Variants in SPAG9 observed in about 807,000 individuals in gnomAD.
SPAG9 encodes C-Jun-amino-terminal kinase-interacting protein 4.
SPAG9 carries 35 observed loss-of-function variants against 166.5 expected under a neutral mutation model. The ratio of observed to expected loss-of-function variants is 0.21; its 90% CI spans 0.16 to 0.28. The LOEUF (loss-of-function observed/expected upper bound fraction) is 0.28. Ranked by LOEUF, SPAG9 falls within the 10% of genes least tolerant of loss-of-function variation. The pLI, the probability that SPAG9 is intolerant of heterozygous loss-of-function variation, is 1.00. For missense variants in SPAG9, 1,235 were observed against 1,603.3 expected (o/e 0.77, Z 3.92); for synonymous variants, 534 against 565.5 (o/e 0.94, Z 0.79).
At chr17:51,053,857 A>AG (rs2047267622) in intron 3 of SPAG9, among the ~76,000 whole-genome samples, 64 of 36,544 alleles carry the variant, frequency 1.8e-3, no homozygotes, top group African/African-American at 7.1e-3. Flanking sequence ...AAAAAAAAGT[A>AG]TATATATATA....
At chr17:51,053,950 AACAGTAC>A (rs962580255) in intron 3 of SPAG9, among the ~76,000 whole-genome samples, 2 of 140,864 alleles carry the variant, frequency 1.4e-5, no homozygotes, top group Non-Finnish European at 3.1e-5. Context: ...TACTTAAGCA[AACAGTAC>A]ATAGAGTACA....
chr17:51,005,988 G>A, intron 11 of SPAG9, 97 bp downstream of exon 11: 1 of 1,397,770 alleles, frequency 7.2e-7, no homozygotes. Flanking sequence ...TTCCAGGCTT[G>A]AGTGGACAGA....
At position 50,980,637 on chromosome 17, in the gene SPAG9, G is replaced by A. The variant is rs188105782; in HGVS notation, c.3238-720C>T. ...AATCCCAGCACTTTGGAAGGCCGAG[G>A]TGGGAGGATCTCTTGAACACAGGAG... On this transcript the variant is annotated intron_variant, in intron 25 of 29. Transcript: ENST00000262013. 9.2e-4 allele frequency among the ~76,000 whole-genome samples: 140 copies of A among 152,124 alleles called. 1 individual carries two copies. The highest frequency in any genetic ancestry group is 1.6e-3 in the Non-Finnish European group (112 of 67,988).
intron 5 of SPAG9, among the ~76,000 whole-genome samples, chr17:51,037,985 C>CAA (rs1217314042): frequency 2.0e-5 from 3 of 152,064 alleles, no homozygotes; most frequent in Non-Finnish European, 4.4e-5. Flanking sequence ...TGAAGCAATA[C>CAA]AAAACTCCTC....
At chr17:50,982,394 A>G (rs1176610329) in intron 25 of SPAG9, 130 bp downstream of exon 25, 7 of 750,674 alleles carry the variant, frequency 9.3e-6, no homozygotes, top group Non-Finnish European at 1.3e-5. Flanking sequence ...ATATTCAAAT[A>G]CATTACTCAA....
intron 1 of SPAG9, among the ~76,000 whole-genome samples, chr17:51,112,963 A>G (rs908627624): frequency 7.2e-6 from 1 of 139,648 alleles, no homozygotes; most frequent in Non-Finnish European, 1.6e-5. Context: ...CCTCATCTCT[A>G]AAAAAAAGAA....
intron 3 of SPAG9, among the ~76,000 whole-genome samples, chr17:51,049,719 C>T (rs1256478093): frequency 6.6e-6 from 1 of 152,030 alleles, no homozygotes; most frequent in African/African-American, 2.4e-5. Flanking sequence ...GATTCTGCCT[C>T]CCAAGTAGCT....
intron 1 of SPAG9, among the ~76,000 whole-genome samples, chr17:51,098,061 C>T (rs1002171635): frequency 8.5e-5 from 13 of 152,116 alleles, no homozygotes; most frequent in African/African-American, 3.1e-4. Context: ...TGGGCTCAAG[C>T]AATCCACCTG....
chr17:51,055,581 C>G (rs970489217), intron 3 of SPAG9, among the ~76,000 whole-genome samples: 5 of 150,132 alleles, frequency 3.3e-5, no homozygotes, highest in African/African-American at 1.2e-4. Context: ...AGAGATCACA[C>G]AAACTAGGGA....
intron 2 of SPAG9, among the ~76,000 whole-genome samples, chr17:51,074,772 G>A (rs907706747): frequency 6.6e-6 from 1 of 152,072 alleles, no homozygotes; most frequent in Non-Finnish European, 1.5e-5. Flanking sequence ...AGAGGAATGA[G>A]AAGATGGATA....
In SPAG9 at chr17:51,065,088, A is replaced by C. The variant is rs1033965176; in HGVS notation, c.425-8606T>G. 2.6e-5 allele frequency among the ~76,000 whole-genome samples: 4 copies of C among 152,332 alleles called. No homozygotes were observed. In the South Asian group the frequency reaches 8.3e-4, roughly 32 times the overall value. On this transcript the variant is annotated intron_variant, in intron 2 of 29. Coordinates refer to ENST00000262013, the MANE Select transcript of SPAG9 (RefSeq NM_001130528.3). ...CAGTGAGTTGAGATCGCACCATTGCACTCCAGCCTGGGCAACTAGAACAAA... is the reference window on the plus strand; with the variant it reads ...CAGTGAGTTGAGATCGCACCATTGCCCTCCAGCCTGGGCAACTAGAACAAA...
Position 51,034,089 on chromosome 17 carries a change from TC to T in SPAG9, c.742-2368del, listed in dbSNP as rs1452237523. ...CACCTATAGGTGGTTCCTAAAGTTA[TC>T]ACATGAAGATATATGTGAGGAAAAA... On this transcript the variant is annotated intron_variant, in intron 5 of 29. Coordinates refer to ENST00000262013, the MANE Select transcript of SPAG9 (RefSeq NM_001130528.3). Among the ~76,000 whole-genome samples, 19 of 152,324 alleles carry T rather than the reference TC, an allele frequency of 1.2e-4. No individual in the cohort carries two copies. The South Asian group carries it at 1.4e-3, about 12-fold the overall frequency.
intron 2 of SPAG9, among the ~76,000 whole-genome samples, chr17:51,062,543 G>T (rs554428076): frequency 5.9e-5 from 9 of 152,232 alleles, no homozygotes; most frequent in African/African-American, 2.2e-4. Flanking sequence ...AGCCTTTTCA[G>T]ATTGGCTTCT....
intron 8 of SPAG9, 191 bp from the exon 9 acceptor site, chr17:51,014,544 G>A: frequency 2.1e-6 from 1 of 480,228 alleles, no homozygotes; most frequent in East Asian, 3.3e-5. Flanking sequence ...GAAATAGCTG[G>A]TGAAGAAATT....
intron 1 of SPAG9, among the ~76,000 whole-genome samples, chr17:51,082,135 G>A (rs971097063): frequency 4.6e-5 from 7 of 152,174 alleles, no homozygotes; most frequent in South Asian, 4.2e-4. Flanking sequence ...CTAGCACTTT[G>A]GGAGGCCAAG....
intron 1 of SPAG9, among the ~76,000 whole-genome samples, chr17:51,093,210 A>T (rs529576903): frequency 2.6e-5 from 4 of 151,660 alleles, no homozygotes; most frequent in South Asian, 4.2e-4. Flanking sequence ...CCCTCTTTTT[A>T]AAAAAAACAA....
At chr17:51,083,732 T>C (rs962553282) in intron 1 of SPAG9, among the ~76,000 whole-genome samples, 10 of 151,958 alleles carry the variant, frequency 6.6e-5, no homozygotes, top group Non-Finnish European at 4.4e-5. Flanking sequence ...TCCTGATCTT[T>C]GAAGCCTGAA....
chr17:51,113,313 A>G (rs1161746414), intron 1 of SPAG9, among the ~76,000 whole-genome samples: 1 of 146,126 alleles, frequency 6.8e-6, no homozygotes, highest in Non-Finnish European at 1.5e-5. Flanking sequence ...AGATCGCACC[A>G]TTGCGCTCCA....
chr17:51,033,831 T>C (rs559311309), intron 5 of SPAG9, among the ~76,000 whole-genome samples: 31 of 152,360 alleles, frequency 2.0e-4, no homozygotes, highest in African/African-American at 7.2e-4. Context: ...AAACAACTTC[T>C]CCTATTCTAA....
Sources: gnomAD v4.1 joint callset for allele counts (sites outside exome capture counted in the v4.1 genomes callset) on GRCh38, gnomAD v4.1.1 for gene constraint, MANE v1.5 for transcripts, NCBI Gene and HGNC (gene_info 2026-07-23, HGNC 2026-07-21) for gene names.